GLIS3: variants seen among roughly 807,000 people sequenced by gnomAD.
GLIS3 encodes the protein GLIS family zinc finger 3, also known as zinc finger protein GLIS3.
Under a neutral mutation model 78.6 loss-of-function variants are expected in GLIS3, and 53 were observed. The ratio of observed to expected loss-of-function variants is 0.67; its 90% CI spans 0.54 to 0.85. The LOEUF (loss-of-function observed/expected upper bound fraction) is 0.85, where lower values mean the gene tolerates loss of function less well. Ranked by LOEUF, GLIS3 falls within the 40% of genes least tolerant of loss-of-function variation. The probability of loss-of-function intolerance (pLI) is 0.00; values close to 1 mark genes in which losing one functional copy is unlikely to be tolerated. For missense variants in GLIS3, 1,703 were observed against 1,231.1 expected (o/e 1.38, Z -5.74); for synonymous variants, 684 against 509.9 (o/e 1.34, Z -4.60).
chr9:4,100,038 G>C (rs561179001), intron 4 of GLIS3, among the ~76,000 whole-genome samples: 3 of 152,188 alleles, frequency 2.0e-5, no homozygotes, highest in Non-Finnish European at 4.4e-5. Flanking sequence ...ACTGGATTTT[G>C]TAAGAATAAA....
chr9:4,272,381 T>C (rs1286412468), intron 2 of GLIS3, among the ~76,000 whole-genome samples: 3 of 152,156 alleles, frequency 2.0e-5, no homozygotes, highest in African/African-American at 7.2e-5. Context: ...AACCTAACCT[T>C]TTGAGGCAAT....
chr9:3,855,157 C>T (rs535822810), intron 9 of GLIS3, among the ~76,000 whole-genome samples: 126 of 152,330 alleles, frequency 8.3e-4, no homozygotes, highest in Non-Finnish European at 1.4e-3. Context: ...ATTCAACTTT[C>T]TATGGATGCT....
chr9:4,135,746 T>G (rs1564101305), intron 2 of GLIS3, among the ~76,000 whole-genome samples: 1 of 152,146 alleles, frequency 6.6e-6, no homozygotes, highest in Non-Finnish European at 1.5e-5. Context: ...AAAAGTATAT[T>G]CTTTCACCAC....
intron 4 of GLIS3, among the ~76,000 whole-genome samples, chr9:3,996,491 C>T (rs1253118857): frequency 6.6e-6 from 1 of 152,052 alleles, no homozygotes; most frequent in Admixed American, 6.5e-5. Flanking sequence ...TACTGATTAA[C>T]TTTACTTTCT....
chr9:3,890,739 AAAC>A (rs1588160256), intron 7 of GLIS3, among the ~76,000 whole-genome samples: 1 of 150,130 alleles, frequency 6.7e-6, no homozygotes, highest in African/African-American at 2.5e-5. Flanking sequence ...CTAAAAAACA[AAAC>A]AAACCAAACA....
chr9:4,374,528 C>A, the GLIS3 span, among the ~76,000 whole-genome samples: 2 of 152,230 alleles, frequency 1.3e-5, no homozygotes, highest in South Asian at 2.1e-4. Flanking sequence ...TGCCCTTAAG[C>A]CTGTCCAGGC....
chr9:4,161,371 C>T (rs1440412408), intron 2 of GLIS3, among the ~76,000 whole-genome samples: 1 of 152,122 alleles, frequency 6.6e-6, no homozygotes, highest in African/African-American at 2.4e-5. Flanking sequence ...AGCATTTCCA[C>T]AACACCTGCT....
At position 4,297,472 on chromosome 9, in the gene GLIS3, G is replaced by C. The variant is rs539483199; in HGVS notation, c.-99+1949C>G. Among the ~76,000 whole-genome samples, 19 of 152,268 alleles carry C rather than the reference G, an allele frequency of 1.2e-4. No homozygotes were observed. In the South Asian group the frequency reaches 3.1e-3, roughly 25 times the overall value. ...CCATACTAAAGGGACCTGGTCCACTGGGGGGAGCTGCAGAACTTCCCTCTT... is the reference window on the plus strand; with the variant it reads ...CCATACTAAAGGGACCTGGTCCACTCGGGGGAGCTGCAGAACTTCCCTCTT... On this transcript the variant is annotated intron_variant, in intron 1 of 10. Coordinates refer to ENST00000381971, the MANE Select transcript of GLIS3 (RefSeq NM_001042413.2).
intron 9 of GLIS3, among the ~76,000 whole-genome samples, chr9:3,848,290 C>T (rs983506606): frequency 1.3e-5 from 2 of 152,080 alleles, no homozygotes; most frequent in Non-Finnish European, 2.9e-5. Context: ...CACCTGGGCT[C>T]GGGAGTTCAA....
intron 2 of GLIS3, among the ~76,000 whole-genome samples, chr9:4,132,345 C>T (rs10814851): frequency 0.35 from 53,440 of 151,896 alleles, 9,713 homozygotes; most frequent in East Asian, 0.62. Flanking sequence ...CTAGAGTTCA[C>T]CTTAGCAGGG....
At chr9:4,042,953 A>C (rs1437543587) in intron 4 of GLIS3, among the ~76,000 whole-genome samples, 1 of 148,890 alleles carries the variant, frequency 6.7e-6, no homozygotes, top group Non-Finnish European at 1.5e-5. Context: ...TTGAAAAGAA[A>C]AAAAAAAAAA....
At chr9:4,463,456 T>A in the GLIS3 span, among the ~76,000 whole-genome samples, 66 of 152,326 alleles carry the variant, frequency 4.3e-4, no homozygotes, top group African/African-American at 1.5e-3. Flanking sequence ...CCCCAGGCCC[T>A]GAAAATATGC....
chr9:4,054,842 C>T (rs974104593), intron 4 of GLIS3, among the ~76,000 whole-genome samples: 4 of 152,002 alleles, frequency 2.6e-5, no homozygotes, highest in Admixed American at 6.6e-5. Context: ...CATTTTGCCC[C>T]TTGAGATGCT....
At chr9:4,009,802 G>A (rs1043153494) in intron 4 of GLIS3, among the ~76,000 whole-genome samples, 1 of 152,212 alleles carries the variant, frequency 6.6e-6, no homozygotes, top group Admixed American at 6.5e-5. Flanking sequence ...GCAGGTCCAC[G>A]TGGATTCACT....
intron 8 of GLIS3, among the ~76,000 whole-genome samples, chr9:3,860,658 C>A (rs1820154621): frequency 6.6e-6 from 1 of 152,180 alleles, no homozygotes; most frequent in African/African-American, 2.4e-5. Context: ...TCACACCCAC[C>A]TGGGCTTGGA....
At position 3,828,222 on chromosome 9, in the gene GLIS3, TG is replaced by T. The variant is rs757495785; in HGVS notation, c.*49del. The T allele has an allele frequency of 6.2e-7, 1 of 1,611,706 alleles. No homozygotes were observed. Among genetic ancestry groups the T allele is most frequent in the Non-Finnish European group, 8.5e-7 (1 of 1,178,662 alleles). ...TCTGTGAGAGTACGAAAACAAAAGG[TG>T]GCAAGCAACATCAAGGTCCTGGGTG... On this transcript the variant is annotated 3_prime_UTR_variant, in exon 11 of 11. Coordinates refer to ENST00000381971, the MANE Select transcript of GLIS3 (RefSeq NM_001042413.2).
the GLIS3 span, among the ~76,000 whole-genome samples, chr9:4,408,885 G>A: frequency 6.6e-6 from 1 of 151,856 alleles, no homozygotes; most frequent in Non-Finnish European, 1.5e-5. Flanking sequence ...TTGAGGAGAT[G>A]GATACCCAGT....
intron 4 of GLIS3, among the ~76,000 whole-genome samples, chr9:4,074,357 T>A (rs1827877965): frequency 6.6e-6 from 1 of 152,158 alleles, no homozygotes. Context: ...TGATTCCTTG[T>A]TTTGTATGCC....
At chr9:4,091,640 GA>G (rs1391869295) in intron 4 of GLIS3, among the ~76,000 whole-genome samples, 1 of 152,080 alleles carries the variant, frequency 6.6e-6, no homozygotes, top group Non-Finnish European at 1.5e-5. Context: ...ATAAACAGCA[GA>G]GTGTACGTAT....
Sources: gnomAD v4.1 joint callset for allele counts (sites outside exome capture counted in the v4.1 genomes callset) on GRCh38, gnomAD v4.1.1 for gene constraint, MANE v1.5 for transcripts, NCBI Gene and HGNC (gene_info 2026-07-23, HGNC 2026-07-21) for gene names.